The following ERC2 variants were observed in gnomAD, a reference collection of about 807,000 sequenced individuals.
The protein encoded by ERC2 is ELKS/RAB6-interacting/CAST family member 2, also known as ERC protein 2.
ERC2 carries 42 observed loss-of-function variants against 114.8 expected under a neutral mutation model. The ratio of observed to expected loss-of-function variants is 0.37; its 90% CI spans 0.29 to 0.47. The LOEUF (loss-of-function observed/expected upper bound fraction) is 0.47. Among genes scored for constraint, ERC2 ranks in the 20% least tolerant of loss-of-function variants. The pLI is 0.99. For synonymous variants in ERC2, 454 were observed against 425.5 expected (o/e 1.07, Z -0.82); for missense variants, 939 against 1,150.7 (o/e 0.82, Z 2.66).
intron 3 of ERC2, among the ~76,000 whole-genome samples, chr3:56,261,163 CTCT>C (rs957416455): frequency 2.6e-5 from 4 of 152,190 alleles, no homozygotes; most frequent in African/African-American, 7.2e-5. Context: ...TTTCCCAACC[CTCT>C]TCTTAAATTC....
chr3:55,924,477 G>A (rs1056654585), intron 13 of ERC2, among the ~76,000 whole-genome samples: 6 of 152,064 alleles, frequency 3.9e-5, no homozygotes, highest in Non-Finnish European at 5.9e-5. Context: ...ATCTCTGTAG[G>A]GGCCTTTTTA....
intron 17 of ERC2, among the ~76,000 whole-genome samples, chr3:55,677,949 G>A (rs192543312): frequency 2.4e-4 from 37 of 152,228 alleles, no homozygotes; most frequent in Admixed American, 9.8e-4. Flanking sequence ...TGTATATCCA[G>A]TACATCTCCA....
At chr3:56,078,932 A>G (rs1376329225) in intron 7 of ERC2, among the ~76,000 whole-genome samples, 1 of 151,518 alleles carries the variant, frequency 6.6e-6, no homozygotes, top group Non-Finnish European at 1.5e-5. Flanking sequence ...TTCTAATTAA[A>G]AAAATAAAAC....
intron 14 of ERC2, among the ~76,000 whole-genome samples, chr3:55,772,229 G>A (rs905009450): frequency 2.6e-5 from 4 of 152,164 alleles, no homozygotes; most frequent in African/African-American, 7.2e-5. Flanking sequence ...TGCAACTTCC[G>A]CCACCCAGGT....
chr3:55,684,952 T>C (rs1051301467), intron 16 of ERC2, among the ~76,000 whole-genome samples: 6 of 152,190 alleles, frequency 3.9e-5, no homozygotes, highest in Non-Finnish European at 2.9e-5. Context: ...ATTATTTGAC[T>C]CCTTATTGGT....
intron 15 of ERC2, among the ~76,000 whole-genome samples, chr3:55,714,627 G>T (rs1295582849): frequency 7.2e-6 from 1 of 138,380 alleles, no homozygotes; most frequent in Non-Finnish European, 1.6e-5. Flanking sequence ...ATATATATAT[G>T]GGTTTGTATA....
intron 14 of ERC2, among the ~76,000 whole-genome samples, chr3:55,753,445 C>A (rs1452752511): frequency 6.6e-6 from 1 of 152,204 alleles, no homozygotes; most frequent in African/African-American, 2.4e-5. Context: ...TGGAAAACTG[C>A]AAAACCCCAC....
chr3:56,345,387 G>A (rs1277336191), intron 2 of ERC2, among the ~76,000 whole-genome samples: 2 of 152,230 alleles, frequency 1.3e-5, no homozygotes, highest in Non-Finnish European at 1.5e-5. Flanking sequence ...GCAAGCATTG[G>A]GCCAAACACT....
At chr3:55,759,123 A>G (rs567453416) in intron 14 of ERC2, among the ~76,000 whole-genome samples, 1 of 152,296 alleles carries the variant, frequency 6.6e-6, no homozygotes, top group Admixed American at 6.5e-5. Flanking sequence ...AGCCTCCCCC[A>G]GTTTACCTAT....
At chr3:56,003,173 G>C in intron 10 of ERC2, 1 of 1,278,492 alleles carries the variant, frequency 7.8e-7, no homozygotes, top group Non-Finnish European at 1.0e-6. Flanking sequence ...GGCACAGACA[G>C]GGAAAGAAGG....
chr3:55,868,303 A>G (rs1180625689), intron 14 of ERC2, among the ~76,000 whole-genome samples: 1 of 152,214 alleles, frequency 6.6e-6, no homozygotes, highest in African/African-American at 2.4e-5. Flanking sequence ...TGAGTGGGCC[A>G]TGATATAATC....
At chr3:55,911,427 G>A (rs754792628) in intron 13 of ERC2, among the ~76,000 whole-genome samples, 10 of 152,154 alleles carry the variant, frequency 6.6e-5, no homozygotes, top group Admixed American at 3.3e-4. Flanking sequence ...TGACTTCATC[G>A]TAAGCGGCTA....
chr3:56,029,614 A>G (rs1304914820), intron 7 of ERC2, among the ~76,000 whole-genome samples: 1 of 152,094 alleles, frequency 6.6e-6, no homozygotes, highest in Non-Finnish European at 1.5e-5. Context: ...TTATGAGCAT[A>G]AAGTTGTCTA....
chr3:56,180,307 C>CA (rs2083219893), intron 3 of ERC2, among the ~76,000 whole-genome samples: 2 of 152,264 alleles, frequency 1.3e-5, no homozygotes, highest in South Asian at 4.1e-4. Context: ...ACTATATTTG[C>CA]ACAGTGGGCT....
intron 16 of ERC2, among the ~76,000 whole-genome samples, chr3:55,691,573 A>AATATATATATATATATATAT (rs1292437178): frequency 4.8e-4 from 19 of 39,734 alleles, no homozygotes; most frequent in African/African-American, 1.1e-3. Context: ...AAAAAAAAAA[A>AATATATATATATATATATAT]ATATATATAT....
intron 12 of ERC2, among the ~76,000 whole-genome samples, chr3:55,982,123 G>A (rs1354562538): frequency 2.0e-5 from 3 of 152,146 alleles, no homozygotes; most frequent in Non-Finnish European, 4.4e-5. Flanking sequence ...TGAAAGGAGA[G>A]GCTGGCTGCA....
chr3:55,952,602 G>A (rs1484521509), intron 12 of ERC2, among the ~76,000 whole-genome samples: 8 of 152,124 alleles, frequency 5.3e-5, no homozygotes, highest in Non-Finnish European at 8.8e-5. Context: ...TTATGGAGAG[G>A]TCAGGATGAT....
At chr3:56,203,947 C>T (rs780265002) in intron 3 of ERC2, among the ~76,000 whole-genome samples, 3 of 151,714 alleles carry the variant, frequency 2.0e-5, no homozygotes, top group Admixed American at 6.6e-5. Flanking sequence ...TTTGGGAGGC[C>T]GAGGCAGGTG....
At chr3:56,129,686 G>A (rs1560221494) in intron 6 of ERC2, among the ~76,000 whole-genome samples, 2 of 152,056 alleles carry the variant, frequency 1.3e-5, no homozygotes, top group East Asian at 1.9e-4. Flanking sequence ...GGATATTGTC[G>A]CTTCCACTTG....
Sources: gnomAD v4.1 joint callset for allele counts (sites outside exome capture counted in the v4.1 genomes callset) on GRCh38, gnomAD v4.1.1 for gene constraint, MANE v1.5 for transcripts, NCBI Gene and HGNC (gene_info 2026-07-23, HGNC 2026-07-21) for gene names.